The following POLR2I variants were observed in gnomAD, a reference collection of about 807,000 sequenced individuals.
The protein encoded by POLR2I is DNA-directed RNA polymerase II subunit RPB9.
In POLR2I, 15 loss-of-function variants were observed where a neutral mutation model predicts 23.0. That is an observed-to-expected ratio of 0.65 (90% CI 0.44 to 1.00). The LOEUF is 1.00. Among genes scored for constraint, POLR2I ranks in the 50% least tolerant of loss-of-function variants. The pLI is 0.00. For missense variants in POLR2I, 120 were observed against 173.7 expected (o/e 0.69, Z 1.74); for synonymous variants, 72 against 65.4 (o/e 1.10, Z -0.49).
chr19:36,114,836 G>A lies in POLR2I; in HGVS notation c.21C>T (p.Tyr7=), dbSNP rs772329724. The part of the protein sequence containing the change: MEPDGT[Y]EPGFVGIRFC... The stretch of plus-strand genomic sequence containing the variant: ...AGCGAATACCCACGAAGCCCGGCTC[G>A]TAAGTCCCGTCGGGCTCCATGGCGA... Residue 7 remains tyrosine (Y), a synonymous_variant, in exon 1 of 6, where the codon TAC becomes TAT. Transcript: ENST00000221859. The surrounding 1 kb of genome is among the most constrained non-coding windows in gnomAD (Gnocchi z 4.5). 3 of 1,613,844 alleles carry A rather than the reference G, an allele frequency of 1.9e-6. No individual in the cohort carries two copies. The highest frequency in any genetic ancestry group is 1.3e-5 in the African/African-American group (1 of 74,920).
rs751849925 is a variant in POLR2I at position 36,114,439 on chromosome 19, G to C, written c.115-27C>G. The C allele has an allele frequency of 6.2e-7, 1 of 1,606,292 alleles. No individual in the cohort carries two copies. Among genetic ancestry groups the C allele is most frequent in the East Asian group, 2.2e-5 (1 of 44,858 alleles). On this transcript the variant is annotated intron_variant, in intron 2 of 5. Transcript: ENST00000221859. The surrounding 1 kb of genome is among the most constrained non-coding windows in gnomAD (Gnocchi z 4.5). ...TACGAGAGGGCGAGTGTGGGGGAAA[G>C]GGGGTCACGGAAGGATTCCAGACAA... is the stretch of plus-strand genomic sequence containing the variant.
In POLR2I at chr19:36,114,137, G is replaced by C. The variant is rs756160109; in HGVS notation, c.263+40C>G. On this transcript the variant is annotated intron_variant, in intron 4 of 5. Coordinates refer to ENST00000221859, the MANE Select transcript of POLR2I (RefSeq NM_006233.5). The surrounding 1 kb of genome is among the most constrained non-coding windows in gnomAD (Gnocchi z 4.5). ...TCCTCCCTTCGCCCAGTGAGGAGACGAGCCTCACTTTACCTCCCCAGTACC... is the reference window on the plus strand; with the variant it reads ...TCCTCCCTTCGCCCAGTGAGGAGACCAGCCTCACTTTACCTCCCCAGTACC... The C allele has an allele frequency of 1.2e-6, 2 of 1,612,094 alleles. No individual in the cohort carries two copies. The highest frequency in any genetic ancestry group is 1.7e-5 in the Admixed American group (1 of 60,002).
Position 36,114,124 on chromosome 19 carries a change from C to G in POLR2I, c.263+53G>C. 5.0e-6 allele frequency: 8 copies of G among 1,612,192 alleles called. No individual in the cohort carries two copies. The highest frequency in any genetic ancestry group is 5.9e-6 in the Non-Finnish European group (7 of 1,178,276). ...TCACACCCTTCCCTCCTCCCTTCGC[C>G]CAGTGAGGAGACGAGCCTCACTTTA... On this transcript the variant is annotated intron_variant, in intron 4 of 5. Transcript: ENST00000221859. This position sits in a 1 kb window ranked among gnomAD's most constrained non-coding sequence, Gnocchi z 4.5.
Position 36,114,007 on chromosome 19 carries a change from C to G in POLR2I, c.315+8G>C, listed in dbSNP as rs76953459. 6,078 of 1,613,690 alleles carry G rather than the reference C, an allele frequency of 3.8e-3. 159 individuals carry two copies. The African/African-American group carries it at 0.064, about 17-fold the overall frequency. On this transcript the variant is annotated splice_region_variant and intron_variant, in intron 5 of 5. Coordinates refer to ENST00000221859, the MANE Select transcript of POLR2I (RefSeq NM_006233.5). This position sits in a 1 kb window ranked among gnomAD's most constrained non-coding sequence, Gnocchi z 4.5. Reference sequence around the variant, plus strand: ...CCCAGATACTTAGAAAGCCCTCGCGCCACTTACCTCGGCCCGCGCACTGTG... The same window carrying G: ...CCCAGATACTTAGAAAGCCCTCGCGGCACTTACCTCGGCCCGCGCACTGTG...
In POLR2I at chr19:36,113,929, A is replaced by C. The variant is rs1385343702; in HGVS notation, c.315+86T>G. 15 of 1,575,900 alleles carry C rather than the reference A, an allele frequency of 9.5e-6. No homozygotes were observed. The Admixed American group carries it at 2.5e-4, about 26-fold the overall frequency. On this transcript the variant is annotated intron_variant, in intron 5 of 5. Coordinates refer to ENST00000221859, the MANE Select transcript of POLR2I (RefSeq NM_006233.5). ...GTAAGGGCCCGGCAGAGTTCCAAGA[A>C]GCGCAGGGTCACCCACATTGATATC...
rs765452764 is a variant in POLR2I, at chr19:36,114,233, G to A, written c.207C>T (p.Ile69=). 3 of 1,613,996 alleles carry A rather than the reference G, an allele frequency of 1.9e-6. No homozygotes were observed. Among genetic ancestry groups the A allele is most frequent in the East Asian group, 4.5e-5 (2 of 44,846 alleles). The change falls in exon 4 of 6, where the codon ATC becomes ATT. Residue 69 remains isoleucine (I), a synonymous_variant. Coordinates refer to ENST00000221859, the MANE Select transcript of POLR2I (RefSeq NM_006233.5). The surrounding 1 kb of genome is among the most constrained non-coding windows in gnomAD (Gnocchi z 4.5). ...ACGTGGGGTCCTGGGACACGTCGGCGATAATCTGGGTCAGTTCGCTGCAGG... is the reference window on the plus strand; with the variant it reads ...ACGTGGGGTCCTGGGACACGTCGGCAATAATCTGGGTCAGTTCGCTGCAGG... ...THEVDELTQI[I]ADVSQDPTLP...
In POLR2I at chr19:36,114,263, C is replaced by T. The variant is rs1187750590; in HGVS notation, c.189-12G>A. On this transcript the variant is annotated splice_polypyrimidine_tract_variant and intron_variant, in intron 3 of 5. Transcript: ENST00000221859. This position sits in a 1 kb window ranked among gnomAD's most constrained non-coding sequence, Gnocchi z 4.5. ...TCTGGGTCAGTTCGCTGCAGGGACG[C>T]GGGGGTGCAAAATTACGCTCAGACC... 6.2e-7 allele frequency: 1 copy of T among 1,613,750 alleles called. No individual in the cohort carries two copies. The highest frequency in any genetic ancestry group is 2.2e-5 in the East Asian group (1 of 44,844).
At position 36,114,440 on chromosome 19, in the gene POLR2I, G is replaced by C. The variant is rs528495306; in HGVS notation, c.115-28C>G. On this transcript the variant is annotated intron_variant, in intron 2 of 5. Coordinates refer to ENST00000221859, the MANE Select transcript of POLR2I (RefSeq NM_006233.5). The surrounding 1 kb of genome is among the most constrained non-coding windows in gnomAD (Gnocchi z 4.5). Reference sequence around the variant, plus strand: ...ACGAGAGGGCGAGTGTGGGGGAAAGGGGGTCACGGAAGGATTCCAGACAAG... The same window carrying C: ...ACGAGAGGGCGAGTGTGGGGGAAAGCGGGTCACGGAAGGATTCCAGACAAG... The C allele has an allele frequency of 6.2e-7, 1 of 1,607,084 alleles. No homozygotes were observed. The highest frequency in any genetic ancestry group is 1.1e-5 in the South Asian group (1 of 90,944).
Position 36,114,648 on chromosome 19 carries a change from C to G in POLR2I, c.114+11G>C. On this transcript the variant is annotated intron_variant, in intron 2 of 5. Transcript: ENST00000221859. This position sits in a 1 kb window ranked among gnomAD's most constrained non-coding sequence, Gnocchi z 4.5. ...ACAGGTGGACCTGCCGGGGAAGACCCCGGCGCTCACCGCGTAGAGCAGAAT... is the reference window on the plus strand; with the variant it reads ...ACAGGTGGACCTGCCGGGGAAGACCGCGGCGCTCACCGCGTAGAGCAGAAT... 6.2e-7 allele frequency: 1 copy of G among 1,602,840 alleles called. No homozygotes were observed. The highest frequency in any genetic ancestry group is 8.5e-7 in the Non-Finnish European group (1 of 1,171,562).
In POLR2I at chr19:36,114,851, C is replaced by G; in HGVS notation, c.6G>C (p.Glu2Asp). M[E>D]PDGTYEPGFV... The stretch of plus-strand genomic sequence containing the variant: ...AGCCCGGCTCGTAAGTCCCGTCGGG[C>G]TCCATGGCGACGCGCAGCCCGCGCA... Residue 2 changes from glutamate to aspartate, a missense_variant, in exon 1 of 6, where the codon GAG becomes GAC. Transcript: ENST00000221859. The surrounding 1 kb of genome is among the most constrained non-coding windows in gnomAD (Gnocchi z 4.5). 6.2e-7 allele frequency: 1 copy of G among 1,613,716 alleles called. No individual in the cohort carries two copies. Among genetic ancestry groups the G allele is most frequent in the Non-Finnish European group, 8.5e-7 (1 of 1,180,000 alleles).
Position 36,114,566 on chromosome 19 carries a change from A to T in POLR2I, c.114+93T>A. ...GTCAGGATCACTTGAGGTGCAGCGG[A>T]GGGCGAACAGGGAGTCCGATCACAG... is the stretch of plus-strand genomic sequence containing the variant. On this transcript the variant is annotated intron_variant, in intron 2 of 5. Transcript: ENST00000221859. The surrounding 1 kb of genome is among the most constrained non-coding windows in gnomAD (Gnocchi z 4.5). 7.4e-7 allele frequency: 1 copy of T among 1,346,798 alleles called. No individual in the cohort carries two copies. The highest frequency in any genetic ancestry group is 1.1e-6 in the Non-Finnish European group (1 of 950,652). 83.4% of individuals were successfully genotyped at this position (1,346,798 alleles called of 1,614,324 possible). A position where few individuals can be genotyped will look rare whatever the true frequency, so the allele number is the denominator to read the frequency against.
In POLR2I at chr19:36,114,760, C is replaced by T. The variant is rs759527658; in HGVS notation, c.59+38G>A. 1.9e-6 allele frequency: 3 copies of T among 1,613,668 alleles called. No homozygotes were observed. Among genetic ancestry groups the T allele is most frequent in the East Asian group, 2.2e-5 (1 of 44,886 alleles). ...AGGGGTTAGTTCTGGAGCCATTCCT[C>T]GCCCGCCTTCTAACATCACCCGCTC... On this transcript the variant is annotated intron_variant, in intron 1 of 5. Transcript: ENST00000221859. The surrounding 1 kb of genome is among the most constrained non-coding windows in gnomAD (Gnocchi z 4.5).
chr19:36,114,125 C>A lies in POLR2I; in HGVS notation c.263+52G>T. 6.2e-7 allele frequency: 1 copy of A among 1,612,140 alleles called. No homozygotes were observed. Among genetic ancestry groups the A allele is most frequent in the South Asian group, 1.1e-5 (1 of 91,058 alleles). On this transcript the variant is annotated intron_variant, in intron 4 of 5. Coordinates refer to ENST00000221859, the MANE Select transcript of POLR2I (RefSeq NM_006233.5). This position sits in a 1 kb window ranked among gnomAD's most constrained non-coding sequence, Gnocchi z 4.5. ...CACACCCTTCCCTCCTCCCTTCGCC[C>A]AGTGAGGAGACGAGCCTCACTTTAC...
In POLR2I at chr19:36,113,740, G is replaced by A. The variant is rs1376444275; in HGVS notation, c.*15C>T. ...ATGGAATCTGGTGTTTATTACACTCGGGGGAGAGAGGAGGTCACTCGGTCC... is the reference window on the plus strand; with the variant it reads ...ATGGAATCTGGTGTTTATTACACTCAGGGGAGAGAGGAGGTCACTCGGTCC... On this transcript the variant is annotated 3_prime_UTR_variant, in exon 6 of 6. Transcript: ENST00000221859. The A allele has an allele frequency of 6.2e-7, 1 of 1,612,746 alleles. No individual in the cohort carries two copies.
chr19:36,114,607 CG>C lies in POLR2I; in HGVS notation c.114+51del. On this transcript the variant is annotated intron_variant, in intron 2 of 5. Coordinates refer to ENST00000221859, the MANE Select transcript of POLR2I (RefSeq NM_006233.5). The surrounding 1 kb of genome is among the most constrained non-coding windows in gnomAD (Gnocchi z 4.5). ...CCGATCACAGAGGCAGGGGGCAGGG[CG>C]GGGCCACGCTGGGAACAGGTGGACC... 1 of 1,547,336 alleles carries C rather than the reference CG, an allele frequency of 6.5e-7. No individual in the cohort carries two copies. The highest frequency in any genetic ancestry group is 1.4e-5 in the African/African-American group (1 of 73,946).
chr19:36,114,733 C>T lies in POLR2I; in HGVS notation c.60-20G>A. 5 of 1,613,524 alleles carry T rather than the reference C, an allele frequency of 3.1e-6. No homozygotes were observed. Among genetic ancestry groups the T allele is most frequent in the Non-Finnish European group, 4.2e-6 (5 of 1,179,486 alleles). On this transcript the variant is annotated intron_variant, in intron 1 of 5. Coordinates refer to ENST00000221859, the MANE Select transcript of POLR2I (RefSeq NM_006233.5). This position sits in a 1 kb window ranked among gnomAD's most constrained non-coding sequence, Gnocchi z 4.5. ...TTGTTACTGTGGGGAGGGGGAGGTG[C>T]CAGGGGTTAGTTCTGGAGCCATTCC...
rs551232461 is a variant in POLR2I at position 36,114,519 on chromosome 19, T to C, written c.115-107A>G. 10 of 1,322,894 alleles carry C rather than the reference T, an allele frequency of 7.6e-6. No homozygotes were observed. The African/African-American group carries it at 1.2e-4, about 15-fold the overall frequency. The allele number at this position is 1,322,894 out of a possible 1,614,324, so 81.9% of individuals were successfully genotyped here. A position where few individuals can be genotyped will look rare whatever the true frequency, so the allele number is the denominator to read the frequency against. ...GAGGATATGACGACAGGACTCTCTT[T>C]GGGGATGGGCAGGACATGAGAGTCA... is the stretch of plus-strand genomic sequence containing the variant. On this transcript the variant is annotated intron_variant, in intron 2 of 5. Coordinates refer to ENST00000221859, the MANE Select transcript of POLR2I (RefSeq NM_006233.5). This position sits in a 1 kb window ranked among gnomAD's most constrained non-coding sequence, Gnocchi z 4.5.
chr19:36,114,862 C>A lies in POLR2I; in HGVS notation c.-6G>T. On this transcript the variant is annotated 5_prime_UTR_variant, in exon 1 of 6. Transcript: ENST00000221859. The surrounding 1 kb of genome is among the most constrained non-coding windows in gnomAD (Gnocchi z 4.5). ...TAAGTCCCGTCGGGCTCCATGGCGA[C>A]GCGCAGCCCGCGCAGCCCTCCCAGC... is the stretch of plus-strand genomic sequence containing the variant. 1 of 1,612,448 alleles carries A rather than the reference C, an allele frequency of 6.2e-7. No homozygotes were observed. Among genetic ancestry groups the A allele is most frequent in the Non-Finnish European group, 8.5e-7 (1 of 1,179,582 alleles).
chr19:36,114,783 C>T lies in POLR2I; in HGVS notation c.59+15G>A, dbSNP rs751273646. The T allele has an allele frequency of 6.2e-7, 1 of 1,614,184 alleles. No individual in the cohort carries two copies. The highest frequency in any genetic ancestry group is 1.1e-5 in the South Asian group (1 of 91,086). On this transcript the variant is annotated intron_variant, in intron 1 of 5. Coordinates refer to ENST00000221859, the MANE Select transcript of POLR2I (RefSeq NM_006233.5). The surrounding 1 kb of genome is among the most constrained non-coding windows in gnomAD (Gnocchi z 4.5). ...CTCGCCCGCCTTCTAACATCACCCG[C>T]TCCCTCCGCCTCACCATTCCTGGCA...
Sources: gnomAD v4.1 joint callset for allele counts on GRCh38, gnomAD v4.1.1 for gene constraint, Gnocchi (gnomAD v3.1) non-coding constraint, MANE v1.5 for transcripts, NCBI Gene and HGNC (gene_info 2026-07-23, HGNC 2026-07-21) for gene names.